AMOTL1: variants seen among roughly 807,000 people sequenced by gnomAD.
AMOTL1 encodes angiomotin like 1.
In AMOTL1, 45 loss-of-function variants were observed where a neutral mutation model predicts 102.9. The observed-to-expected ratio is 0.44, with a 90% confidence interval of 0.34 to 0.56. The LOEUF is 0.56. Among genes scored for constraint, AMOTL1 ranks in the 20% least tolerant of loss-of-function variants. AMOTL1 has a pLI of 0.01. For missense variants in AMOTL1, 1,114 were observed against 1,225.6 expected, an observed-to-expected ratio of 0.91 and a Z score of 1.36; for synonymous variants, 481 against 484.7, an observed-to-expected ratio of 0.99 and a Z score of 0.10.
chr11:94,708,992 G>A (rs1056192196), intron 1 of AMOTL1, among the ~76,000 whole-genome samples: 3 of 152,160 alleles, frequency 2.0e-5, no homozygotes, highest in Non-Finnish European at 4.4e-5. Flanking sequence ...ATCGTTGGTT[G>A]AAGTAAAAGT....
At chr11:94,849,786 A>C (rs999119936) in intron 6 of AMOTL1, among the ~76,000 whole-genome samples, 16 of 152,298 alleles carry the variant, frequency 1.1e-4, no homozygotes, top group African/African-American at 3.8e-4. Flanking sequence ...GGAATGTTGT[A>C]AGCATAAAAT....
chr11:94,795,491 T>G (rs943133319), intron 2 of AMOTL1, among the ~76,000 whole-genome samples: 3 of 152,218 alleles, frequency 2.0e-5, no homozygotes, highest in African/African-American at 7.2e-5. Context: ...TCTTTTTTCC[T>G]TCTCTGCTTT....
intron 1 of AMOTL1, among the ~76,000 whole-genome samples, chr11:94,775,011 A>G (rs1031588332): frequency 2.6e-5 from 4 of 152,222 alleles, no homozygotes; most frequent in Admixed American, 1.3e-4. Flanking sequence ...TATGGCTACC[A>G]TATTGCCTTG....
In AMOTL1 at chr11:94,768,481, G is replaced by A; in HGVS notation, c.-31G>A. On this transcript the variant is annotated 5_prime_UTR_variant, in exon 1 of 13. Transcript: ENST00000433060. ...CGCTGCCCGGCAGCCGTCTTCCCCA[G>A]CCGAGGGACTGAACTAGCCATGATC... The A allele has an allele frequency of 6.3e-7, 1 of 1,581,200 alleles. No individual in the cohort carries two copies. Among genetic ancestry groups the A allele is most frequent in the African/African-American group, 1.3e-5 (1 of 74,196 alleles).
At chr11:94,819,538 T>G (rs1213664900) in intron 3 of AMOTL1, among the ~76,000 whole-genome samples, 1 of 152,188 alleles carries the variant, frequency 6.6e-6, no homozygotes, top group African/African-American at 2.4e-5. Flanking sequence ...AATCAGAGAC[T>G]CAAAATAATG....
intron 4 of AMOTL1, among the ~76,000 whole-genome samples, 188 bp downstream of exon 4, chr11:94,822,009 G>C (rs772400993): frequency 2.0e-5 from 3 of 152,206 alleles, no homozygotes; most frequent in African/African-American, 7.2e-5. Context: ...TTCCAAAAAG[G>C]GGAGAGAGTT....
chr11:94,865,845 A>T (rs1028674844), intron 10 of AMOTL1, 97 bp from the exon 11 acceptor site: 2 of 1,061,978 alleles, frequency 1.9e-6, no homozygotes, highest in African/African-American at 1.6e-5. Flanking sequence ...TGTATCCCTA[A>T]ATTACAATTA....
At chr11:94,741,855 A>G (rs1311204291) in intron 3 of AMOTL1, among the ~76,000 whole-genome samples, 1 of 152,144 alleles carries the variant, frequency 6.6e-6, no homozygotes, top group African/African-American at 2.4e-5. Flanking sequence ...ATTTTATGAT[A>G]TATGTTGACA....
At chr11:94,763,403 T>G (rs1950818272), upstream of AMOTL1, among the ~76,000 whole-genome samples, 1 of 152,214 alleles carries the variant, frequency 6.6e-6, no homozygotes, top group East Asian at 1.9e-4. Context: ...AGGCATGTGC[T>G]GTGTGAAAAA....
intron 5 of AMOTL1, among the ~76,000 whole-genome samples, chr11:94,830,658 A>T (rs977174476): frequency 6.6e-6 from 1 of 152,224 alleles, no homozygotes. Flanking sequence ...CCTGGGGGGA[A>T]AAAGTCCCCA....
chr11:94,870,822 A>G lies in AMOTL1; in HGVS notation c.*27A>G. ...TGCCATCCCTGTGGAATTTCAGTAC[A>G]GAACACTGACAAACAAGGAAAGCGG... is the stretch of plus-strand genomic sequence containing the variant. On this transcript the variant is annotated 3_prime_UTR_variant, in exon 13 of 13. Coordinates refer to ENST00000433060, the MANE Select transcript of AMOTL1 (RefSeq NM_130847.3). 6.5e-7 allele frequency: 1 copy of G among 1,545,604 alleles called. No individual in the cohort carries two copies. The highest frequency in any genetic ancestry group is 1.7e-4 in the Middle Eastern group (1 of 5,932).
upstream of AMOTL1, chr11:94,768,174 C>A (rs1164422142): frequency 8.3e-6 from 6 of 727,138 alleles, no homozygotes; most frequent in African/African-American, 3.8e-5. Flanking sequence ...TCAGCTTGAG[C>A]TCTGGGCAAT....
At chr11:94,772,277 T>G (rs1290516804) in intron 1 of AMOTL1, among the ~76,000 whole-genome samples, 1 of 150,782 alleles carries the variant, frequency 6.6e-6, no homozygotes, top group Non-Finnish European at 1.5e-5. Context: ...ATGTGTAGAT[T>G]CATGTAACCG....
intron 1 of AMOTL1, among the ~76,000 whole-genome samples, chr11:94,770,217 C>T (rs1413299936): frequency 6.6e-6 from 1 of 152,150 alleles, no homozygotes; most frequent in Non-Finnish European, 1.5e-5. Context: ...GAATCTAGAG[C>T]AACTGACATT....
chr11:94,859,754 T>G (rs775747273), intron 9 of AMOTL1, 39 bp downstream of exon 9: 1 of 1,535,764 alleles, frequency 6.5e-7, no homozygotes, highest in Non-Finnish European at 8.8e-7. Flanking sequence ...AAAAGCACAG[T>G]TAAAAAAATC....
At chr11:94,831,095 A>G (rs1056646814) in intron 5 of AMOTL1, among the ~76,000 whole-genome samples, 14 of 152,160 alleles carry the variant, frequency 9.2e-5, no homozygotes, top group African/African-American at 3.4e-4. Flanking sequence ...ACAGCTGATG[A>G]TCAAGATTAG....
chr11:94,737,220 C>T (rs539592612), intron 2 of AMOTL1, among the ~76,000 whole-genome samples: 1 of 152,348 alleles, frequency 6.6e-6, no homozygotes, highest in South Asian at 2.1e-4. Flanking sequence ...TGGCAACGCT[C>T]TTCATAGGGG....
At chr11:94,830,885 G>A (rs76078249) in intron 5 of AMOTL1, among the ~76,000 whole-genome samples, 2 of 152,214 alleles carry the variant, frequency 1.3e-5, no homozygotes, top group Non-Finnish European at 2.9e-5. Flanking sequence ...ACTCTTTTGG[G>A]TTGAGTATCA....
chr11:94,794,670 C>G (rs1951334564), intron 1 of AMOTL1, among the ~76,000 whole-genome samples: 1 of 152,188 alleles, frequency 6.6e-6, no homozygotes, highest in Admixed American at 6.5e-5. Context: ...CAACCTTGAC[C>G]ATTCAGAACT....
Sources: allele counts gnomAD v4.1 joint callset (sites outside exome capture counted in the v4.1 genomes callset), GRCh38; gene constraint gnomAD v4.1.1; transcripts MANE v1.5; gene names NCBI Gene and HGNC (gene_info 2026-07-23, HGNC 2026-07-21).